LINGO2: variants seen among roughly 807,000 people sequenced by gnomAD.
The protein encoded by LINGO2 is leucine-rich repeat and immunoglobulin-like domain-containing nogo receptor-interacting protein 2.
Under a neutral mutation model 30.6 loss-of-function variants are expected in LINGO2, and 14 were observed. The observed-to-expected ratio is 0.46, with a 90% confidence interval of 0.30 to 0.72. The LOEUF (loss-of-function observed/expected upper bound fraction) is 0.72. Among genes scored for constraint, LINGO2 ranks in the 30% least tolerant of loss-of-function variants. LINGO2 has a pLI of 0.07. For synonymous variants in LINGO2, 317 were observed against 288.5 expected (o/e 1.10, Z -1.00); for missense variants, 729 against 751.7 (o/e 0.97, Z 0.35).
chr9:29,166,741 C>G, the LINGO2 span, among the ~76,000 whole-genome samples: 1 of 152,042 alleles, frequency 6.6e-6, no homozygotes, highest in African/African-American at 2.4e-5. Context: ...CTATTCTCTC[C>G]AATTTGTTGA....
chr9:28,337,120 TAGAG>T (rs1203384684), intron 3 of LINGO2, among the ~76,000 whole-genome samples: 2 of 149,746 alleles, frequency 1.3e-5, no homozygotes, highest in South Asian at 2.1e-4. Flanking sequence ...AATATGTATA[TAGAG>T]AAATTCCTGA....
chr9:28,542,165 A>G (rs1452005787), intron 1 of LINGO2, among the ~76,000 whole-genome samples: 1 of 152,236 alleles, frequency 6.6e-6, no homozygotes, highest in Non-Finnish European at 1.5e-5. Flanking sequence ...TACCTTCCAA[A>G]GTTGTCTTGC....
At chr9:29,178,680 G>A in the LINGO2 span, among the ~76,000 whole-genome samples, 1 of 152,148 alleles carries the variant, frequency 6.6e-6, no homozygotes, top group Non-Finnish European at 1.5e-5. Flanking sequence ...AACCTCCTCT[G>A]ATGACAAGTG....
intron 2 of LINGO2, among the ~76,000 whole-genome samples, chr9:28,393,786 G>C (rs765675465): frequency 6.6e-6 from 1 of 152,122 alleles, no homozygotes; most frequent in Non-Finnish European, 1.5e-5. Flanking sequence ...CAGTATAGCA[G>C]GGCAGGTCAA....
At chr9:28,964,860 G>A in the LINGO2 span, among the ~76,000 whole-genome samples, 1 of 151,782 alleles carries the variant, frequency 6.6e-6, no homozygotes, top group Non-Finnish European at 1.5e-5. Flanking sequence ...TATGCGCATG[G>A]GATGGTCTAA....
the LINGO2 span, among the ~76,000 whole-genome samples, chr9:28,983,318 C>CAAA: frequency 7.6e-6 from 1 of 130,980 alleles, no homozygotes; most frequent in African/African-American, 2.8e-5. Flanking sequence ...ATGAGGTATC[C>CAAA]AAAAAAAAAA....
the LINGO2 span, among the ~76,000 whole-genome samples, chr9:29,066,809 T>A: frequency 2.6e-5 from 4 of 151,904 alleles, no homozygotes; most frequent in Non-Finnish European, 5.9e-5. Flanking sequence ...CTTCACTCTT[T>A]AGCATTTGTT....
chr9:27,998,120 A>C (rs957671173), intron 5 of LINGO2, among the ~76,000 whole-genome samples: 6 of 152,182 alleles, frequency 3.9e-5, no homozygotes, highest in Non-Finnish European at 8.8e-5. Flanking sequence ...CTTGAAAGGT[A>C]AGGTCTGTTT....
chr9:28,745,291 G>A, the LINGO2 span, among the ~76,000 whole-genome samples: 9 of 152,150 alleles, frequency 5.9e-5, no homozygotes, highest in African/African-American at 1.7e-4. Flanking sequence ...GTAGTAGTGA[G>A]GCTTCAGCTC....
intron 5 of LINGO2, among the ~76,000 whole-genome samples, chr9:27,962,549 C>T (rs943260234): frequency 3.3e-5 from 5 of 152,232 alleles, no homozygotes; most frequent in East Asian, 3.9e-4. Flanking sequence ...ACTGCTCCCC[C>T]CCTTCTACGA....
At chr9:28,777,071 C>T in the LINGO2 span, among the ~76,000 whole-genome samples, 3 of 151,994 alleles carry the variant, frequency 2.0e-5, no homozygotes, top group Non-Finnish European at 1.5e-5. Flanking sequence ...TGGTGAGACG[C>T]GCTTTCTTCC....
chr9:28,769,675 C>T, the LINGO2 span, among the ~76,000 whole-genome samples: 1 of 145,706 alleles, frequency 6.9e-6, no homozygotes, highest in Admixed American at 6.8e-5. Context: ...GGTTTTTTTT[C>T]AGGAACTTTT....
chr9:28,843,239 T>C, the LINGO2 span, among the ~76,000 whole-genome samples: 1 of 151,704 alleles, frequency 6.6e-6, no homozygotes, highest in Non-Finnish European at 1.5e-5. Context: ...GAAATAGTCC[T>C]TATTTGATCT....
At chr9:28,635,934 A>C (rs1367405187) in intron 1 of LINGO2, among the ~76,000 whole-genome samples, 1 of 152,144 alleles carries the variant, frequency 6.6e-6, no homozygotes, top group Non-Finnish European at 1.5e-5. Context: ...GTAACTCGTC[A>C]TTTAACATTA....
intron 3 of LINGO2, among the ~76,000 whole-genome samples, chr9:28,340,725 T>A (rs530430232): frequency 2.6e-5 from 4 of 152,212 alleles, no homozygotes; most frequent in African/African-American, 7.2e-5. Context: ...AAATACTTCA[T>A]GGAATAGCAG....
chr9:29,027,002 T>G, the LINGO2 span, among the ~76,000 whole-genome samples: 402 of 152,306 alleles, frequency 2.6e-3, 1 homozygote, highest in African/African-American at 9.3e-3. Flanking sequence ...TTCAAGGATA[T>G]GAATGCTCAG....
chr9:28,984,882 T>C, the LINGO2 span, among the ~76,000 whole-genome samples: 23 of 152,024 alleles, frequency 1.5e-4, no homozygotes, highest in African/African-American at 4.3e-4. Flanking sequence ...ACATTTTAAA[T>C]TTATTCTCCT....
At chr9:28,838,433 T>C in the LINGO2 span, among the ~76,000 whole-genome samples, 1,126 of 152,344 alleles carry the variant, frequency 7.4e-3, 8 homozygotes, top group Non-Finnish European at 0.012. Flanking sequence ...TAACTTTGAA[T>C]ATGTTACGTA....
the LINGO2 span, among the ~76,000 whole-genome samples, chr9:29,150,497 A>G: frequency 6.6e-6 from 1 of 152,222 alleles, no homozygotes; most frequent in Admixed American, 6.5e-5. Flanking sequence ...TTCAGGAGAA[A>G]GTTGAAAACC....
Sources: gnomAD v4.1 joint callset for allele counts (sites outside exome capture counted in the v4.1 genomes callset) on GRCh38, gnomAD v4.1.1 for gene constraint, MANE v1.5 for transcripts, NCBI Gene and HGNC (gene_info 2026-07-23, HGNC 2026-07-21) for gene names.